Variants in PSG11 observed in about 807,000 individuals in gnomAD.
PSG11 encodes the protein pregnancy specific beta-1-glycoprotein 11.
In PSG11, 42 loss-of-function variants were observed where a neutral mutation model predicts 36.0. The observed-to-expected ratio is 1.17, with a 90% CI of 0.91 to 1.51. PSG11 has a LOEUF of 1.51. PSG11 is among the 40% of genes most tolerant of loss of function. The probability of loss-of-function intolerance (pLI) is 0.00; values close to 1 mark genes in which losing one functional copy is unlikely to be tolerated. For missense variants in PSG11, 558 were observed against 403.5 expected (o/e 1.38, Z -3.28); for synonymous variants, 206 against 153.5 (o/e 1.34, Z -2.53).
At position 43,026,361 on chromosome 19, in the gene PSG11, G is replaced by A. The variant is rs10402945; in HGVS notation, c.12C>T (p.Leu4=). The A allele has an allele frequency of 6.2e-7, 1 of 1,610,700 alleles. No individual in the cohort carries two copies. The highest frequency in any genetic ancestry group is 1.1e-5 in the South Asian group (1 of 90,828). ...TGTGCTCTGTGCAGGGAGGGGCTGA[G>A]AGGGGCCCCATGATCTCTGCTGCGT... MGP[L]SAPPCTEHIK... is the part of the protein sequence containing the mutation. The change falls in exon 1 of 6, where the codon CTC becomes CTT. Residue 4 remains leucine, a synonymous_variant. Transcript: ENST00000320078.
At position 43,026,407 on chromosome 19, in the gene PSG11, A is replaced by C. The variant is rs768083204; in HGVS notation, c.-35T>G. On this transcript the variant is annotated 5_prime_UTR_variant, in exon 1 of 6. Coordinates refer to ENST00000320078, the MANE Select transcript of PSG11 (RefSeq NM_002785.3). ...TGCGTGCATGTTCTCCTCTGTGGAG[A>C]TGAGCCTAGGATCCAGAAGCTTCCA... 45 of 1,604,794 alleles carry C rather than the reference A, an allele frequency of 2.8e-5. 1 individual carries two copies. Among genetic ancestry groups the C allele is most frequent in the South Asian group, 1.2e-4 (11 of 90,550 alleles).
intron 3 of PSG11, chr19:43,015,942 G>A (rs752063896): frequency 2.6e-5 from 42 of 1,609,990 alleles, no homozygotes; most frequent in Admixed American, 8.4e-5. Context: ...GCCACCAAAT[G>A]TAGGCATAGT....
intron 4 of PSG11, chr19:43,014,768 A>T (rs1443480009): frequency 5.7e-6 from 7 of 1,227,300 alleles, no homozygotes; most frequent in Non-Finnish European, 7.4e-6. Context: ...ACAAGAAAAC[A>T]AAGACGTGAC....
chr19:43,020,543 A>T (rs1967078241), intron 2 of PSG11, among the ~76,000 whole-genome samples: 1 of 151,422 alleles, frequency 6.6e-6, no homozygotes, highest in Non-Finnish European at 1.5e-5. Flanking sequence ...ATAAGTGGAA[A>T]TTTTTACTGA....
chr19:43,020,909 A>G (rs1967086505), intron 2 of PSG11, among the ~76,000 whole-genome samples: 1 of 151,472 alleles, frequency 6.6e-6, no homozygotes, highest in Admixed American at 6.6e-5. Flanking sequence ...AGCTCAGGAA[A>G]CACCACTAGA....
At chr19:43,023,030 G>C (rs1288394881) in intron 2 of PSG11, among the ~76,000 whole-genome samples, 1 of 150,914 alleles carries the variant, frequency 6.6e-6, no homozygotes, top group African/African-American at 2.5e-5. Context: ...CACCATGGCA[G>C]TGAGCAGTGA....
At chr19:43,020,500 A>T (rs1967077382) in intron 2 of PSG11, among the ~76,000 whole-genome samples, 1 of 151,418 alleles carries the variant, frequency 6.6e-6, no homozygotes, top group Non-Finnish European at 1.5e-5. Flanking sequence ...TAGTAACAAA[A>T]AAAAAATTTG....
At chr19:43,026,185 C>T in intron 1 of PSG11, 124 bp downstream of exon 1, 1 of 1,435,546 alleles carries the variant, frequency 7.0e-7, no homozygotes, top group South Asian at 1.2e-5. Context: ...TCGTGATCCA[C>T]CCACCTCAGC....
intron 4 of PSG11, chr19:43,014,338 G>A (rs1274586190): frequency 4.4e-6 from 4 of 909,652 alleles, no homozygotes; most frequent in Non-Finnish European, 5.2e-6. Context: ...GAGCCCCAGG[G>A]GTGAATCTTC....
At chr19:43,010,255 C>G (rs866446951) in intron 4 of PSG11, 8 of 1,451,666 alleles carry the variant, frequency 5.5e-6, no homozygotes, top group African/African-American at 1.4e-5. Flanking sequence ...TCTGTCAATT[C>G]TCTACTGCAC....
chr19:43,010,456 A>C, intron 4 of PSG11: 1 of 1,333,792 alleles, frequency 7.5e-7, no homozygotes, highest in South Asian at 1.3e-5. Context: ...AGGTCAGTGC[A>C]TTTCAAATTC....
At chr19:43,013,554 A>G (rs1266823397) in intron 4 of PSG11, among the ~76,000 whole-genome samples, 2 of 151,228 alleles carry the variant, frequency 1.3e-5, no homozygotes, top group African/African-American at 2.4e-5. Context: ...CAAAACCACA[A>G]TGTTACACCA....
intron 5 of PSG11, among the ~76,000 whole-genome samples, chr19:43,008,565 C>T (rs1228777958): frequency 7.9e-5 from 12 of 151,222 alleles, no homozygotes; most frequent in African/African-American, 2.4e-4. Context: ...CATGAGCCAT[C>T]GCACCCAGCC....
At chr19:43,020,618 G>T (rs1267179157) in intron 2 of PSG11, among the ~76,000 whole-genome samples, 1 of 151,370 alleles carries the variant, frequency 6.6e-6, no homozygotes, top group African/African-American at 2.4e-5. Context: ...ATAAGGTTTA[G>T]GTGTGCCATG....
chr19:43,022,652 G>T (rs138860354), intron 2 of PSG11, among the ~76,000 whole-genome samples: 3,334 of 151,274 alleles, frequency 0.022, 243 homozygotes, highest in African/African-American at 0.077. Context: ...GTCTGACAAT[G>T]ATAAGAGTGG....
intron 5 of PSG11, among the ~76,000 whole-genome samples, chr19:43,008,493 G>T (rs1298172485): frequency 6.6e-6 from 1 of 151,048 alleles, no homozygotes; most frequent in South Asian, 2.1e-4. Flanking sequence ...AGCCAGGAAG[G>T]TCTGGATCTC....
In PSG11 at chr19:43,015,165, G is replaced by A. The variant is rs1245287538; in HGVS notation, c.915C>T (p.Asn305=). The A allele has an allele frequency of 1.5e-5, 24 of 1,611,838 alleles. 1 individual carries two copies. Among genetic ancestry groups the A allele is most frequent in the Non-Finnish European group, 1.9e-5 (22 of 1,178,874 alleles). ...TGGAGCTTTCCTCGCCAGTGGCTGA[G>A]TTACGAGCAGAGCAAGCATAGAGCC... The part of the protein sequence containing the change: ...HNGLYACSAR[N]SATGEESSTS... Residue 305 remains asparagine (N), a synonymous_variant, in exon 4 of 6, where the codon AAC becomes AAT. Coordinates refer to ENST00000320078, the MANE Select transcript of PSG11 (RefSeq NM_002785.3).
In PSG11 at chr19:43,021,283, C is replaced by T. The variant is rs55692134; in HGVS notation, c.431-2235G>A. 6.1e-3 allele frequency among the ~76,000 whole-genome samples: 927 copies of T among 151,534 alleles called. 24 individuals are homozygous for T. Among genetic ancestry groups the T allele is most frequent in the South Asian group, 0.041 (194 of 4,776 alleles). On this transcript the variant is annotated intron_variant, in intron 2 of 5. Coordinates refer to ENST00000320078, the MANE Select transcript of PSG11 (RefSeq NM_002785.3). ...TTGGAAATTTCTATTGACACATCCT[C>T]AAGCTAGGGATTCCTTCCTCAGCTG...
At chr19:43,009,933 A>G in intron 5 of PSG11, 25 bp downstream of exon 5, 1 of 1,511,598 alleles carries the variant, frequency 6.6e-7, no homozygotes, top group South Asian at 1.1e-5. Flanking sequence ...TGCAGGAACC[A>G]GGATAAGAGA....
Sources: allele counts gnomAD v4.1 joint callset (sites outside exome capture counted in the v4.1 genomes callset), GRCh38; gene constraint gnomAD v4.1.1; transcripts MANE v1.5; gene names NCBI Gene and HGNC (gene_info 2026-07-23, HGNC 2026-07-21).